ARK2C: variants seen among roughly 807,000 people sequenced by gnomAD.
ARK2C encodes the protein E3 ubiquitin-protein ligase ARK2C.
At chr18:46,369,106 G>T in the ARK2C span, among the ~76,000 whole-genome samples, 1 of 152,194 alleles carries the variant, frequency 6.6e-6, no homozygotes, top group African/African-American at 2.4e-5. Flanking sequence ...TAAATGGTAG[G>T]CCAGGATTTG....
At chr18:46,402,496 C>G in the ARK2C span, among the ~76,000 whole-genome samples, 1 of 152,092 alleles carries the variant, frequency 6.6e-6, no homozygotes, top group African/African-American at 2.4e-5. Flanking sequence ...TCCACTTTAA[C>G]TGGGCTTTCT....
chr18:46,393,936 C>G, the ARK2C span, among the ~76,000 whole-genome samples: 3 of 152,242 alleles, frequency 2.0e-5, no homozygotes, highest in African/African-American at 7.2e-5. Flanking sequence ...ATAGTGCCCA[C>G]TGCCTGGTGG....
At chr18:46,392,417 A>C in the ARK2C span, among the ~76,000 whole-genome samples, 1 of 152,218 alleles carries the variant, frequency 6.6e-6, no homozygotes, top group Non-Finnish European at 1.5e-5. Flanking sequence ...CAGGGCCCTC[A>C]GGGCCCTCTT....
At chr18:46,400,196 T>G in the ARK2C span, among the ~76,000 whole-genome samples, 1 of 152,308 alleles carries the variant, frequency 6.6e-6, no homozygotes, top group East Asian at 1.9e-4. Context: ...CTCATGCTGG[T>G]CACCCCTCTC....
chr18:46,345,932 T>C, the ARK2C span, among the ~76,000 whole-genome samples: 1 of 152,140 alleles, frequency 6.6e-6, no homozygotes, highest in Non-Finnish European at 1.5e-5. Flanking sequence ...AGTTGTTCAG[T>C]GGCTGGAGAG....
chr18:46,433,342 C>G, the ARK2C span: 1 of 1,612,768 alleles, frequency 6.2e-7, no homozygotes, highest in Non-Finnish European at 8.5e-7. Flanking sequence ...GGCCCCGGCC[C>G]ACCAGCACAG....
the ARK2C span, among the ~76,000 whole-genome samples, chr18:46,390,600 T>C: frequency 2.0e-5 from 3 of 152,300 alleles, no homozygotes; most frequent in Admixed American, 2.0e-4. Context: ...CTTCTCAAAG[T>C]GATAGAAATA....
the ARK2C span, among the ~76,000 whole-genome samples, chr18:46,421,572 G>A: frequency 0.018 from 2,734 of 152,268 alleles, 45 homozygotes; most frequent in East Asian, 0.085. Context: ...GGTTTAGATG[G>A]GGAAAGTATC....
chr18:46,437,360 C>T, the ARK2C span, among the ~76,000 whole-genome samples: 1 of 152,190 alleles, frequency 6.6e-6, no homozygotes, highest in East Asian at 1.9e-4. Flanking sequence ...GAGGCTGCTT[C>T]TGCCAGGAGA....
At chr18:46,361,830 T>G in the ARK2C span, among the ~76,000 whole-genome samples, 1 of 152,250 alleles carries the variant, frequency 6.6e-6, no homozygotes, top group Non-Finnish European at 1.5e-5. Flanking sequence ...CCCACTGACC[T>G]TAGCTTCCTG....
chr18:46,412,084 T>TCTCAG, the ARK2C span, among the ~76,000 whole-genome samples: 1 of 152,204 alleles, frequency 6.6e-6, no homozygotes, highest in Non-Finnish European at 1.5e-5. Context: ...CAAGTGCAGA[T>TCTCAG]CTCAGCTCAG....
chr18:46,391,343 T>C, the ARK2C span, among the ~76,000 whole-genome samples: 3 of 152,092 alleles, frequency 2.0e-5, no homozygotes, highest in Admixed American at 6.5e-5. Context: ...GTTGGCCAAA[T>C]GGGACGACAT....
At chr18:46,433,845 G>A in the ARK2C span, among the ~76,000 whole-genome samples, 1,548 of 152,306 alleles carry the variant, frequency 0.01, 23 homozygotes, top group African/African-American at 0.035. Flanking sequence ...TCCTCACAGT[G>A]GACTCCTGCA....
At chr18:46,425,410 G>T in the ARK2C span, among the ~76,000 whole-genome samples, 3 of 152,364 alleles carry the variant, frequency 2.0e-5, no homozygotes, top group Admixed American at 1.3e-4. Context: ...TGGCAGGCCA[G>T]GTAGAGATGT....
At chr18:46,428,261 T>C in the ARK2C span, among the ~76,000 whole-genome samples, 3 of 151,954 alleles carry the variant, frequency 2.0e-5, no homozygotes, top group Non-Finnish European at 4.4e-5. Context: ...ATACAAAAAT[T>C]AGCTGGGTGT....
the ARK2C span, among the ~76,000 whole-genome samples, chr18:46,444,951 G>C: frequency 6.6e-6 from 1 of 151,576 alleles, no homozygotes; most frequent in African/African-American, 2.4e-5. Context: ...ACTCTTCTCT[G>C]TTTTCATGTT....
chr18:46,452,976 G>A, the ARK2C span, among the ~76,000 whole-genome samples: 10 of 152,266 alleles, frequency 6.6e-5, no homozygotes, highest in East Asian at 1.2e-3. Flanking sequence ...GGGACTCAAC[G>A]GGATGATGCA....
the ARK2C span, among the ~76,000 whole-genome samples, chr18:46,369,866 C>T: frequency 6.6e-6 from 1 of 152,196 alleles, no homozygotes; most frequent in Non-Finnish European, 1.5e-5. Flanking sequence ...GGGTAGAGCC[C>T]GGGGCCCGTT....
the ARK2C span, among the ~76,000 whole-genome samples, chr18:46,369,129 T>C: frequency 1.9e-4 from 29 of 152,242 alleles, no homozygotes; most frequent in Non-Finnish European, 3.2e-4. Flanking sequence ...TCTAGACCTC[T>C]ATGATCTAAA....
Sources: gnomAD v4.1 joint callset for allele counts (sites outside exome capture counted in the v4.1 genomes callset) on GRCh38, gnomAD v4.1.1 for gene constraint, MANE v1.5 for transcripts, NCBI Gene and HGNC (gene_info 2026-07-23, HGNC 2026-07-21) for gene names.